SMARCA2: variants seen among roughly 807,000 people sequenced by gnomAD.
SMARCA2 encodes SWI/SNF-related matrix-associated actin-dependent regulator of chromatin subfamily A member 2.
Under a neutral mutation model 199.8 loss-of-function variants are expected in SMARCA2, and 61 were observed. The observed-to-expected ratio is 0.31, with a 90% CI of 0.25 to 0.38. The LOEUF is 0.38. Ranked by LOEUF, SMARCA2 falls within the 10% of genes least tolerant of loss-of-function variation. The pLI, the probability that SMARCA2 is intolerant of heterozygous loss-of-function variation, is 1.00. For missense variants in SMARCA2, 1,344 were observed against 2,012.2 expected (o/e 0.67, Z 6.35); for synonymous variants, 935 against 732.0 (o/e 1.28, Z -4.48).
At chr9:2,057,239 G>A (rs950873822) in intron 7 of SMARCA2, among the ~76,000 whole-genome samples, 1 of 152,186 alleles carries the variant, frequency 6.6e-6, no homozygotes, top group African/African-American at 2.4e-5. Flanking sequence ...CTTCTTCTGG[G>A]TTGCAAACTG....
intron 29 of SMARCA2, among the ~76,000 whole-genome samples, chr9:2,173,035 G>A (rs1231981670): frequency 2.0e-5 from 3 of 152,194 alleles, no homozygotes; most frequent in Non-Finnish European, 4.4e-5. Context: ...AGGTAGGATT[G>A]ACAAGACTTA....
At position 2,186,316 on chromosome 9, in the gene SMARCA2, A is replaced by G; in HGVS notation, c.4594+88A>G. 7.3e-7 allele frequency: 1 copy of G among 1,372,384 alleles called. No homozygotes were observed. The highest frequency in any genetic ancestry group is 9.9e-7 in the Non-Finnish European group (1 of 1,014,386). The allele number at this position is 1,372,384 out of a possible 1,614,324, so 85.0% of individuals were successfully genotyped here. On this transcript the variant is annotated intron_variant, in intron 32 of 33. Coordinates refer to ENST00000349721, the MANE Select transcript of SMARCA2 (RefSeq NM_003070.5). ...CAGATGTTCACAGAAGAGACTTTAG[A>G]GTGGGGCAGATCTGGATTGGAGCCC...
At chr9:2,107,171 G>C (rs1347983689) in intron 23 of SMARCA2, among the ~76,000 whole-genome samples, 4 of 152,148 alleles carry the variant, frequency 2.6e-5, no homozygotes, top group Non-Finnish European at 5.9e-5. Context: ...GATCAGCAAA[G>C]ATCTTGACTT....
rs987563670 is a variant in SMARCA2 at position 2,170,820 on chromosome 9, T to A, written c.4253+348T>A. ...GCTTCTGTTGTGTGTTCCTTGGGCCTCTTTAACTCTGTGCTGTCTTGGTTT... is the reference window on the plus strand; with the variant it reads ...GCTTCTGTTGTGTGTTCCTTGGGCCACTTTAACTCTGTGCTGTCTTGGTTT... On this transcript the variant is annotated intron_variant, in intron 29 of 33. Transcript: ENST00000349721. The surrounding 1 kb of genome is among the most constrained non-coding windows in gnomAD (Gnocchi z 4.7). Among the ~76,000 whole-genome samples the A allele has an allele frequency of 6.6e-6, 1 of 152,238 alleles. No homozygotes were observed. Among genetic ancestry groups the A allele is most frequent in the Non-Finnish European group, 1.5e-5 (1 of 68,042 alleles).
At chr9:2,044,743 G>C (rs1036276031) in intron 4 of SMARCA2, 2 of 152,240 alleles carry the variant, frequency 1.3e-5, no homozygotes, top group Admixed American at 6.5e-5. Flanking sequence ...GGAAGATACA[G>C]GGTGTTTAAA....
rs1332065500 is a variant in SMARCA2 at position 2,032,879 on chromosome 9, G to T, written c.226-73G>T. The T allele has an allele frequency of 2.9e-6, 4 of 1,384,022 alleles. No homozygotes were observed. In the East Asian group the frequency reaches 7.0e-5, roughly 24 times the overall value. 85.7% of individuals were successfully genotyped at this position (1,384,022 alleles called of 1,614,324 possible). A position where few individuals can be genotyped will look rare whatever the true frequency, so the allele number is the denominator to read the frequency against. The stretch of plus-strand genomic sequence containing the variant: ...GCCACACTTTTAAAGAACTTAGGAA[G>T]GGGTCTGAAAACTCCAAATAGAAAT... On this transcript the variant is annotated intron_variant, in intron 2 of 33. Coordinates refer to ENST00000349721, the MANE Select transcript of SMARCA2 (RefSeq NM_003070.5).
At chr9:2,166,468 C>A (rs1362987553) in intron 28 of SMARCA2, among the ~76,000 whole-genome samples, 1 of 152,198 alleles carries the variant, frequency 6.6e-6, no homozygotes, top group Admixed American at 6.5e-5. Flanking sequence ...CACATGAATA[C>A]TGCCAAGGTT....
intron 12 of SMARCA2, among the ~76,000 whole-genome samples, chr9:2,075,746 C>G (rs369053218): frequency 1.3e-5 from 2 of 152,220 alleles, no homozygotes; most frequent in South Asian, 4.2e-4. Flanking sequence ...GAACCTCTGC[C>G]TCCTGGGTTC....
intron 12 of SMARCA2, among the ~76,000 whole-genome samples, chr9:2,075,603 T>TG (rs1485683824): frequency 1.3e-5 from 2 of 152,224 alleles, no homozygotes; most frequent in Non-Finnish European, 1.5e-5. Context: ...TGGACATATA[T>TG]GGGGCCATCC....
intron 1 of SMARCA2, among the ~76,000 whole-genome samples, chr9:2,026,422 C>T (rs115442797): frequency 8.6e-5 from 13 of 152,018 alleles, no homozygotes; most frequent in African/African-American, 3.1e-4. Flanking sequence ...TTAATAGTTT[C>T]CTTTAGCAAA....
At chr9:2,052,248 C>T (rs1259470283) in intron 5 of SMARCA2, among the ~76,000 whole-genome samples, 23 of 152,190 alleles carry the variant, frequency 1.5e-4, no homozygotes, top group Admixed American at 1.5e-3. Context: ...CCGATGCCTG[C>T]GGATCACCTG....
At chr9:2,109,796 C>A (rs1446247701) in intron 23 of SMARCA2, among the ~76,000 whole-genome samples, 1 of 151,158 alleles carries the variant, frequency 6.6e-6, no homozygotes, top group East Asian at 1.9e-4. Flanking sequence ...CCTTTTTTTT[C>A]TATTTTCTTG....
chr9:2,113,784 G>GC (rs1208339178), intron 24 of SMARCA2, among the ~76,000 whole-genome samples: 2 of 152,144 alleles, frequency 1.3e-5, no homozygotes, highest in Non-Finnish European at 2.9e-5. Flanking sequence ...ATATTCTGCT[G>GC]CCCCCTGCAA....
chr9:2,175,415 C>CAT (rs1826515222), intron 29 of SMARCA2, among the ~76,000 whole-genome samples: 1 of 151,094 alleles, frequency 6.6e-6, no homozygotes, highest in Non-Finnish European at 1.5e-5. Context: ...TGAAGAAATG[C>CAT]ATAGAAACTG....
chr9:2,140,882 C>T (rs1824429873), intron 27 of SMARCA2, among the ~76,000 whole-genome samples: 1 of 152,030 alleles, frequency 6.6e-6, no homozygotes, highest in South Asian at 2.1e-4. Flanking sequence ...GGACACCTTG[C>T]TGTACTGGGC....
rs1031841350 is a variant in SMARCA2, at chr9:2,016,932, C to A, written c.-37+1528C>A. Among the ~76,000 whole-genome samples the A allele has an allele frequency of 4.6e-5, 7 of 151,864 alleles. No homozygotes were observed. The highest frequency in any genetic ancestry group is 3.9e-4 in the Admixed American group (6 of 15,270). ...TAACCGGTCCGGCGCGCCAGCCCCT[C>A]GGCGCCCTCCGGCCGCAGGGCGCAC... On this transcript the variant is annotated intron_variant, in intron 1 of 33. Coordinates refer to ENST00000349721, the MANE Select transcript of SMARCA2 (RefSeq NM_003070.5). This position sits in a 1 kb window ranked among gnomAD's most constrained non-coding sequence, Gnocchi z 5.6.
Position 2,086,730 on chromosome 9 carries a change from AGGATG to A in SMARCA2, c.2527-96_2527-92del, listed in dbSNP as rs747893601. 2.3e-5 allele frequency: 31 copies of A among 1,332,710 alleles called. No individual in the cohort carries two copies. Among genetic ancestry groups the A allele is most frequent in the Non-Finnish European group, 2.7e-5 (26 of 950,208 alleles). 82.6% of individuals were successfully genotyped at this position (1,332,710 alleles called of 1,614,324 possible). On this transcript the variant is annotated intron_variant, in intron 17 of 33. Transcript: ENST00000349721. The surrounding 1 kb of genome is among the most constrained non-coding windows in gnomAD (Gnocchi z 4.3). ...GGTAATCACAGCATATCATATACCA[AGGATG>A]GGTTCTTTGGTTTTCCGCACCACCA...
intron 28 of SMARCA2, among the ~76,000 whole-genome samples, chr9:2,167,463 C>T (rs1825991233): frequency 1.3e-5 from 2 of 152,220 alleles, no homozygotes; most frequent in Non-Finnish European, 2.9e-5. Context: ...CAGGTCTAGC[C>T]TTGAAGATGG....
rs754784283 is a variant in SMARCA2, at chr9:2,186,165, G to A, written c.4531G>A (p.Glu1511Lys). ...SARQKIAKEE[E>K]SEDESNEEEE... ...CCGGCAGAAAATTGCCAAAGAGGAAGAGAGTGAGGATGAAAGCAATGAAGA... is the reference window on the plus strand; with the variant it reads ...CCGGCAGAAAATTGCCAAAGAGGAAAAGAGTGAGGATGAAAGCAATGAAGA... Residue 1511 changes from glutamate (E) to lysine (K), a missense_variant, in exon 32 of 34, where the codon GAG (glutamate) becomes AAG (lysine). Around this residue, in one of 18 missense-constraint regions of SMARCA2, gnomAD observed 155 missense variants for 121.1 expected, o/e 1.28. Coordinates refer to ENST00000349721, the MANE Select transcript of SMARCA2 (RefSeq NM_003070.5). The A allele has an allele frequency of 6.2e-7, 1 of 1,614,102 alleles. No homozygotes were observed. Among genetic ancestry groups the A allele is most frequent in the Admixed American group, 1.7e-5 (1 of 60,024 alleles).
Sources: allele counts gnomAD v4.1 joint callset (sites outside exome capture counted in the v4.1 genomes callset), GRCh38; gene constraint gnomAD v4.1.1; regional missense constraint gnomAD v4.1.1; non-coding constraint Gnocchi (gnomAD v3.1); transcripts MANE v1.5; gene names NCBI Gene and HGNC (gene_info 2026-07-23, HGNC 2026-07-21).